The following UGT1A7 variants were observed in gnomAD, a reference collection of about 807,000 sequenced individuals.
UGT1A7 encodes UDP-glucuronosyltransferase 1A7.
Under a neutral mutation model 45.6 loss-of-function variants are expected in UGT1A7, and 33 were observed. The ratio of observed to expected loss-of-function variants is 0.72; its 90% CI spans 0.55 to 0.97. The LOEUF (loss-of-function observed/expected upper bound fraction) is 0.97, where lower values mean the gene tolerates loss of function less well. Ranked by LOEUF, UGT1A7 falls within the 50% of genes least tolerant of loss-of-function variation. UGT1A7 has a pLI of 0.00. For missense variants in UGT1A7, 684 were observed against 666.2 expected (o/e 1.03, Z -0.29); for synonymous variants, 274 against 250.6 (o/e 1.09, Z -0.88).
chr2:233,693,640 C>T (rs2075172238), intron 1 of UGT1A7: 1 of 1,614,182 alleles, frequency 6.2e-7, no homozygotes, highest in Non-Finnish European at 8.5e-7. Context: ...TGGCCAACTT[C>T]CTTGTTAATT....
intron 1 of UGT1A7, among the ~76,000 whole-genome samples, chr2:233,745,325 C>G (rs901195420): frequency 6.6e-6 from 1 of 151,822 alleles, no homozygotes; most frequent in African/African-American, 2.4e-5. Context: ...ACTAGAACTG[C>G]TATATCATGA....
intron 1 of UGT1A7, chr2:233,718,659 T>G: frequency 6.5e-7 from 1 of 1,530,752 alleles, no homozygotes; most frequent in Non-Finnish European, 8.8e-7. Flanking sequence ...CGAAAGGCAG[T>G]TATAGATTAA....
intron 1 of UGT1A7, among the ~76,000 whole-genome samples, chr2:233,745,628 G>GA (rs922569313): frequency 1.5e-4 from 22 of 151,674 alleles, no homozygotes; most frequent in Non-Finnish European, 1.8e-4. Context: ...AACAGTCATA[G>GA]AAAGCTGGCC....
At chr2:233,694,618 C>A (rs1257635329) in intron 1 of UGT1A7, among the ~76,000 whole-genome samples, 5 of 152,218 alleles carry the variant, frequency 3.3e-5, no homozygotes, top group East Asian at 1.9e-4. Flanking sequence ...CTCCCTCTAT[C>A]TTTTATGCCT....
In UGT1A7 at chr2:233,772,840, C is replaced by G. The variant is rs1271510565; in HGVS notation, c.*281C>G. 15 of 833,784 alleles carry G rather than the reference C, an allele frequency of 1.8e-5. No homozygotes were observed. The highest frequency in any genetic ancestry group is 3.3e-5 in the Admixed American group (1 of 29,978). The allele number at this position is 833,784 out of a possible 1,614,324, so 51.6% of individuals were successfully genotyped here. A position where few individuals can be genotyped will look rare whatever the true frequency, so the allele number is the denominator to read the frequency against. On this transcript the variant is annotated 3_prime_UTR_variant, in exon 5 of 5. Transcript: ENST00000373426. ...GCAGACAGGCTGGCATTCTAGATTACTTTTCTTACTCTGAAACATGGCCTG... is the reference window on the plus strand; with the variant it reads ...GCAGACAGGCTGGCATTCTAGATTAGTTTTCTTACTCTGAAACATGGCCTG...
chr2:233,747,923 G>C (rs1349241680), intron 1 of UGT1A7: 11 of 1,613,296 alleles, frequency 6.8e-6, no homozygotes, highest in Non-Finnish European at 8.5e-6. Flanking sequence ...TTGCCTCTGA[G>C]CTTTTTCAGA....
chr2:233,755,003 C>G (rs10929301), intron 1 of UGT1A7: 604,259 of 1,287,546 alleles, frequency 0.47, 145,841 homozygotes, highest in African/African-American at 0.7. Context: ...AGCTGAAGAC[C>G]TACTCGAAGG....
chr2:233,716,115 A>G (rs2076487299), intron 1 of UGT1A7, among the ~76,000 whole-genome samples: 1 of 152,126 alleles, frequency 6.6e-6, no homozygotes, highest in Non-Finnish European at 1.5e-5. Flanking sequence ...TAGTTTTTCC[A>G]TCTTAGTTTT....
intron 1 of UGT1A7, among the ~76,000 whole-genome samples, chr2:233,702,121 A>T (rs1297535500): frequency 6.6e-6 from 1 of 152,030 alleles, no homozygotes; most frequent in Non-Finnish European, 1.5e-5. Flanking sequence ...ACCTTAGAAC[A>T]TTTTCAGTCA....
At chr2:233,724,729 A>G (rs1205720342) in intron 1 of UGT1A7, among the ~76,000 whole-genome samples, 1 of 143,524 alleles carries the variant, frequency 7.0e-6, no homozygotes, top group Non-Finnish European at 1.5e-5. Flanking sequence ...GCAGCCAGGC[A>G]GAGGGGCTCC....
chr2:233,693,505 T>G, intron 1 of UGT1A7: 2 of 1,614,198 alleles, frequency 1.2e-6, no homozygotes, highest in Non-Finnish European at 1.7e-6. Context: ...GCCTACCATC[T>G]GTGTACCTCT....
intron 1 of UGT1A7, chr2:233,761,033 G>A (rs774774935): frequency 1.2e-6 from 2 of 1,614,186 alleles, no homozygotes; most frequent in Non-Finnish European, 1.7e-6. Context: ...GACCTATTGA[G>A]CTCTGCATCT....
intron 1 of UGT1A7, among the ~76,000 whole-genome samples, chr2:233,685,926 G>C (rs745922812): frequency 3.9e-5 from 6 of 152,054 alleles, no homozygotes; most frequent in Non-Finnish European, 8.8e-5. Flanking sequence ...AATTTATCCT[G>C]ATTGTCTCAA....
chr2:233,707,090 G>A (rs2075940449), intron 1 of UGT1A7, among the ~76,000 whole-genome samples: 1 of 152,098 alleles, frequency 6.6e-6, no homozygotes, highest in African/African-American at 2.4e-5. Flanking sequence ...CACTTTGCAT[G>A]GCAGCTGAGG....
At chr2:233,724,531 C>G (rs557040072) in intron 1 of UGT1A7, among the ~76,000 whole-genome samples, 1 of 121,546 alleles carries the variant, frequency 8.2e-6, no homozygotes, top group African/African-American at 3.4e-5. Flanking sequence ...GGGGTCTCGC[C>G]GGGCAGAGGC....
chr2:233,716,819 C>A (rs1378965211), intron 1 of UGT1A7, among the ~76,000 whole-genome samples: 1 of 152,146 alleles, frequency 6.6e-6, no homozygotes, highest in Non-Finnish European at 1.5e-5. Flanking sequence ...GCTGGGGTGA[C>A]CTCACTGACA....
chr2:233,690,026 G>C (rs1455242628), intron 1 of UGT1A7: 1 of 432,784 alleles, frequency 2.3e-6, no homozygotes, highest in African/African-American at 2.1e-5. Flanking sequence ...CCTTCCTCAA[G>C]ATCTGGGCCC....
At chr2:233,760,867 C>T (rs767983942) in intron 1 of UGT1A7, 3 of 1,614,156 alleles carry the variant, frequency 1.9e-6, no homozygotes, top group Non-Finnish European at 2.5e-6. Flanking sequence ...CTCCTACGTG[C>T]CCAGGCCTCT....
intron 1 of UGT1A7, among the ~76,000 whole-genome samples, chr2:233,740,381 G>T (rs771907288): frequency 6.6e-6 from 1 of 151,918 alleles, no homozygotes; most frequent in Non-Finnish European, 1.5e-5. Flanking sequence ...GTAAGTTGTT[G>T]TGTGAATTAT....
Sources: gnomAD v4.1 joint callset for allele counts (sites outside exome capture counted in the v4.1 genomes callset) on GRCh38, gnomAD v4.1.1 for gene constraint, MANE v1.5 for transcripts, NCBI Gene and HGNC (gene_info 2026-07-23, HGNC 2026-07-21) for gene names.